The following AFG2A variants were observed in gnomAD, a reference collection of about 807,000 sequenced individuals.
AFG2A encodes ATPase family gene 2 protein homolog A.
At chr4:123,144,230 A>G in the AFG2A span, among the ~76,000 whole-genome samples, 4 of 152,190 alleles carry the variant, frequency 2.6e-5, no homozygotes, top group East Asian at 7.7e-4. Flanking sequence ...GAAATTTTGA[A>G]AAGAGCGTGT....
chr4:123,274,973 C>T, the AFG2A span, among the ~76,000 whole-genome samples: 1 of 151,996 alleles, frequency 6.6e-6, no homozygotes, highest in Non-Finnish European at 1.5e-5. Context: ...TTGAGTTGTA[C>T]CCATATATTC....
chr4:122,990,270 T>C, the AFG2A span, among the ~76,000 whole-genome samples: 1 of 152,214 alleles, frequency 6.6e-6, no homozygotes, highest in Non-Finnish European at 1.5e-5. Context: ...CAAGCTGATA[T>C]TTCTGTGAGG....
At chr4:123,267,720 A>G in the AFG2A span, among the ~76,000 whole-genome samples, 1 of 152,096 alleles carries the variant, frequency 6.6e-6, no homozygotes, top group Admixed American at 6.5e-5. Flanking sequence ...TTAGATAAAA[A>G]CAAATTAGTA....
At chr4:123,075,087 G>T in the AFG2A span, among the ~76,000 whole-genome samples, 2 of 151,916 alleles carry the variant, frequency 1.3e-5, no homozygotes, top group Non-Finnish European at 2.9e-5. Flanking sequence ...GGGATTACAG[G>T]TGCATGCCAC....
At chr4:123,000,153 T>A in the AFG2A span, among the ~76,000 whole-genome samples, 1 of 150,306 alleles carries the variant, frequency 6.7e-6, no homozygotes, top group Non-Finnish European at 1.5e-5. Context: ...TACATTGATT[T>A]TGTATCCTGG....
chr4:122,963,816 A>G, the AFG2A span, among the ~76,000 whole-genome samples: 3 of 152,180 alleles, frequency 2.0e-5, no homozygotes, highest in Non-Finnish European at 2.9e-5. Context: ...TTGATGTATT[A>G]TTATTAATAT....
chr4:123,242,136 A>G, the AFG2A span, among the ~76,000 whole-genome samples: 1 of 151,608 alleles, frequency 6.6e-6, no homozygotes, highest in Non-Finnish European at 1.5e-5. Flanking sequence ...GAGGACACAA[A>G]CAAATGGAAG....
chr4:123,179,849 A>G, the AFG2A span, among the ~76,000 whole-genome samples: 1 of 152,192 alleles, frequency 6.6e-6, no homozygotes, highest in South Asian at 2.1e-4. Flanking sequence ...TTCTTTCTAG[A>G]GGAATTTTAT....
chr4:122,937,511 ATTTTTGAAGT>A, the AFG2A span, among the ~76,000 whole-genome samples: 1 of 152,016 alleles, frequency 6.6e-6, no homozygotes, highest in Non-Finnish European at 1.5e-5. Flanking sequence ...AAAACCCACC[ATTTTTGAAGT>A]TTATTTTTTT....
chr4:122,975,635 A>T, the AFG2A span, among the ~76,000 whole-genome samples: 1 of 152,112 alleles, frequency 6.6e-6, no homozygotes, highest in African/African-American at 2.4e-5. Context: ...CTGAGCCTTT[A>T]TAGGCTTGCA....
the AFG2A span, among the ~76,000 whole-genome samples, chr4:123,097,256 C>CA: frequency 1.3e-5 from 2 of 151,652 alleles, no homozygotes; most frequent in African/African-American, 4.8e-5. Flanking sequence ...ACTAGTATTC[C>CA]AAAAATACCC....
At chr4:123,042,704 C>T in the AFG2A span, among the ~76,000 whole-genome samples, 13 of 151,986 alleles carry the variant, frequency 8.6e-5, no homozygotes, top group African/African-American at 3.1e-4. Flanking sequence ...ATAGCTAAGC[C>T]TCTTTATTTT....
the AFG2A span, among the ~76,000 whole-genome samples, chr4:123,098,314 A>G: frequency 6.6e-6 from 1 of 152,072 alleles, no homozygotes; most frequent in African/African-American, 2.4e-5. Flanking sequence ...TCATTGTGGA[A>G]TGGCTAGATC....
chr4:123,248,120 A>T, the AFG2A span, among the ~76,000 whole-genome samples: 1 of 152,272 alleles, frequency 6.6e-6, no homozygotes, highest in East Asian at 1.9e-4. Context: ...CTTTTAAAGT[A>T]TCTTGTGGGT....
At chr4:123,194,991 T>C in the AFG2A span, among the ~76,000 whole-genome samples, 2 of 152,218 alleles carry the variant, frequency 1.3e-5, no homozygotes, top group East Asian at 3.8e-4. Context: ...TTCCTCATCC[T>C]TCCATTCATT....
the AFG2A span, among the ~76,000 whole-genome samples, chr4:123,194,642 G>A: frequency 2.6e-5 from 4 of 152,078 alleles, no homozygotes; most frequent in African/African-American, 4.8e-5. Context: ...AAGATTTAAA[G>A]GAAATACATC....
chr4:122,995,611 A>G, the AFG2A span, among the ~76,000 whole-genome samples: 3 of 152,204 alleles, frequency 2.0e-5, no homozygotes, highest in African/African-American at 7.2e-5. Context: ...AGCAAAAGTT[A>G]CTGGAAGGAT....
the AFG2A span, among the ~76,000 whole-genome samples, chr4:123,067,341 A>G: frequency 6.6e-6 from 1 of 151,844 alleles, no homozygotes; most frequent in African/African-American, 2.4e-5. Flanking sequence ...GCATGGCGAA[A>G]CCCCATCTCT....
the AFG2A span, among the ~76,000 whole-genome samples, chr4:123,065,091 C>T: frequency 6.6e-6 from 1 of 152,134 alleles, no homozygotes; most frequent in Non-Finnish European, 1.5e-5. Context: ...TGTTCAACTA[C>T]GGTACCACAT....
Sources: gnomAD v4.1 joint callset for allele counts (sites outside exome capture counted in the v4.1 genomes callset) on GRCh38, gnomAD v4.1.1 for gene constraint, MANE v1.5 for transcripts, NCBI Gene and HGNC (gene_info 2026-07-23, HGNC 2026-07-21) for gene names.